The following STK3 variants were observed in gnomAD, a reference collection of about 807,000 sequenced individuals.
The protein encoded by STK3 is serine/threonine kinase 3.
Under a neutral mutation model 58.0 loss-of-function variants are expected in STK3, and 41 were observed. That is an observed-to-expected ratio of 0.71 (90% CI 0.55 to 0.92). STK3 has a LOEUF of 0.92. Among genes scored for constraint, STK3 ranks in the 40% least tolerant of loss-of-function variants. The probability of loss-of-function intolerance (pLI) is 0.00; values close to 1 mark genes in which losing one functional copy is unlikely to be tolerated. For missense variants in STK3, 479 were observed against 602.7 expected (o/e 0.79, Z 2.15); for synonymous variants, 170 against 191.0 (o/e 0.89, Z 0.91).
the STK3 span, among the ~76,000 whole-genome samples, chr8:98,348,428 T>C: frequency 1.3e-5 from 2 of 152,206 alleles, no homozygotes. Context: ...TGGTGTTTAC[T>C]AAAATTAAAG....
At chr8:98,590,960 A>G (rs376615569) in intron 7 of STK3, among the ~76,000 whole-genome samples, 12 of 152,144 alleles carry the variant, frequency 7.9e-5, no homozygotes, top group African/African-American at 2.6e-4. Context: ...TTTTTTCTGC[A>G]TTCTTTTTTA....
chr8:98,907,158 A>T (rs560195284), intron 1 of STK3, among the ~76,000 whole-genome samples: 1 of 151,952 alleles, frequency 6.6e-6, no homozygotes, highest in South Asian at 2.1e-4. Context: ...ATTCTGTCTC[A>T]AAAGCAACCA....
downstream of STK3, among the ~76,000 whole-genome samples, chr8:98,398,469 C>A (rs567237349): frequency 6.6e-6 from 1 of 152,124 alleles, no homozygotes. Context: ...CAAGGAAAAC[C>A]CTTTCCACCC....
intron 10 of STK3, among the ~76,000 whole-genome samples, chr8:98,498,342 A>C (rs1823306314): frequency 6.6e-6 from 1 of 152,046 alleles, no homozygotes. Flanking sequence ...GTAAGTTGCT[A>C]ATGAGAAGAG....
intron 1 of STK3, among the ~76,000 whole-genome samples, chr8:98,802,772 A>G (rs775645553): frequency 6.6e-6 from 1 of 152,222 alleles, no homozygotes; most frequent in Non-Finnish European, 1.5e-5. Flanking sequence ...AGCCACTAAA[A>G]ATCATGTTGC....
intron 8 of STK3, among the ~76,000 whole-genome samples, chr8:98,569,037 C>A (rs1812737949): frequency 6.6e-6 from 1 of 152,120 alleles, no homozygotes; most frequent in Admixed American, 6.5e-5. Context: ...ATGCAAAGAT[C>A]CAAAAACTCC....
At chr8:98,649,776 T>C (rs1036865229) in intron 6 of STK3, among the ~76,000 whole-genome samples, 2 of 152,326 alleles carry the variant, frequency 1.3e-5, no homozygotes, top group Non-Finnish European at 2.9e-5. Context: ...AATTAACTTT[T>C]AAACAATTTT....
intron 6 of STK3, among the ~76,000 whole-genome samples, chr8:98,641,564 T>C (rs1587126178): frequency 6.6e-6 from 1 of 152,214 alleles, no homozygotes; most frequent in Admixed American, 6.5e-5. Context: ...AAGAAATTCC[T>C]GCCCTCATGT....
chr8:98,825,695 C>T (rs1050903158), upstream of STK3: 1 of 1,053,750 alleles, frequency 9.5e-7, no homozygotes, highest in Non-Finnish European at 1.2e-6. Context: ...ATCTCCCTCC[C>T]GCTTAGGAGC....
At chr8:98,662,292 T>C (rs1435561688) in intron 6 of STK3, among the ~76,000 whole-genome samples, 2 of 152,204 alleles carry the variant, frequency 1.3e-5, no homozygotes, top group African/African-American at 4.8e-5. Context: ...TAATTCTTAA[T>C]TTTTGTAGTT....
chr8:98,482,864 T>C (rs1163719678), intron 10 of STK3, among the ~76,000 whole-genome samples: 1 of 152,158 alleles, frequency 6.6e-6, no homozygotes, highest in Non-Finnish European at 1.5e-5. Flanking sequence ...CCTCAAAGTG[T>C]TGACATTAAA....
chr8:98,865,326 C>A (rs1237772386), intron 3 of STK3, among the ~76,000 whole-genome samples: 2 of 152,162 alleles, frequency 1.3e-5, no homozygotes, highest in African/African-American at 4.8e-5. Flanking sequence ...TCTCAGCCTC[C>A]CAACATAAGC....
the STK3 span, among the ~76,000 whole-genome samples, chr8:98,345,746 A>G: frequency 6.6e-6 from 1 of 152,084 alleles, no homozygotes; most frequent in Non-Finnish European, 1.5e-5. Context: ...GCAGAACAGG[A>G]CACCAAAATA....
intron 6 of STK3, among the ~76,000 whole-genome samples, chr8:98,616,919 C>T (rs927762183): frequency 6.6e-6 from 1 of 152,002 alleles, no homozygotes; most frequent in African/African-American, 2.4e-5. Context: ...AGAAAGTCAA[C>T]AAGGATACCC....
At chr8:98,374,887 A>T (rs1409298081) in intron 2 of STK3, among the ~76,000 whole-genome samples, 2 of 152,224 alleles carry the variant, frequency 1.3e-5, no homozygotes, top group Admixed American at 1.3e-4. Flanking sequence ...GTAGGAATGG[A>T]ATAAATGGAG....
intron 1 of STK3, chr8:98,904,840 G>A: frequency 1.5e-6 from 1 of 666,878 alleles, no homozygotes; most frequent in South Asian, 1.4e-5. Flanking sequence ...CTTGGCAATA[G>A]GTATCTGTCT....
At chr8:98,802,056 T>C (rs1833591769) in intron 1 of STK3, among the ~76,000 whole-genome samples, 1 of 152,142 alleles carries the variant, frequency 6.6e-6, no homozygotes, top group Non-Finnish European at 1.5e-5. Flanking sequence ...CCTGTAGTCC[T>C]AGCTATTGAG....
intron 10 of STK3, among the ~76,000 whole-genome samples, chr8:98,480,920 A>C (rs941001126): frequency 1.3e-5 from 2 of 152,252 alleles, no homozygotes; most frequent in African/African-American, 2.4e-5. Flanking sequence ...GAATCTAAGT[A>C]GTAAATGTTA....
chr8:98,661,955 C>G (rs1190474356), intron 6 of STK3, among the ~76,000 whole-genome samples: 1 of 152,042 alleles, frequency 6.6e-6, no homozygotes, highest in Non-Finnish European at 1.5e-5. Context: ...CAGTACTTAC[C>G]AAAATGTACT....
Sources: allele counts gnomAD v4.1 joint callset (sites outside exome capture counted in the v4.1 genomes callset), GRCh38; gene constraint gnomAD v4.1.1; transcripts MANE v1.5; gene names NCBI Gene and HGNC (gene_info 2026-07-23, HGNC 2026-07-21).